TG: variants seen among roughly 807,000 people sequenced by gnomAD.
The protein encoded by TG is thyroglobulin.
A neutral mutation model predicts 324.7 loss-of-function variants in TG; 270 were observed. That is an observed-to-expected ratio of 0.83 (90% CI 0.75 to 0.92). The LOEUF (loss-of-function observed/expected upper bound fraction) is 0.92. TG is among the 40% of genes least tolerant of loss of function. The pLI, the probability that TG is intolerant of heterozygous loss-of-function variation, is 0.00. For missense variants in TG, 3,591 were observed against 3,456.4 expected, an observed-to-expected ratio of 1.04 and a Z score of -0.98; for synonymous variants, 1,401 against 1,327.0, an observed-to-expected ratio of 1.06 and a Z score of -1.21.
At position 132,871,552 on chromosome 8, in the gene TG, G is replaced by A. The variant is rs2132047259; in HGVS notation, c.478+1G>A. 1 of 1,613,346 alleles carries A rather than the reference G, an allele frequency of 6.2e-7. No homozygotes were observed. Among genetic ancestry groups the A allele is most frequent in the Middle Eastern group, 1.7e-4 (1 of 6,040 alleles). On this transcript the variant is annotated splice_donor_variant, in intron 4 of 47. Transcript: ENST00000220616. LOFTEE classifies it high-confidence loss of function. ...CGCCAGCTGGGGAGGCCAAAGCGAT[G>A]TGAGTTTCACTGAGCGCCTGCACCC... is the stretch of plus-strand genomic sequence containing the variant.
chr8:133,122,237 G>T (rs1264470577), intron 45 of TG, among the ~76,000 whole-genome samples: 1 of 152,152 alleles, frequency 6.6e-6, no homozygotes, highest in Non-Finnish European at 1.5e-5. Flanking sequence ...CTGAAATTGA[G>T]GGCAAACTTC....
chr8:133,047,643 C>T, intron 41 of TG: 1 of 608,014 alleles, frequency 1.6e-6, no homozygotes, highest in East Asian at 2.9e-5. Flanking sequence ...TCCCCACTGC[C>T]TGTCTCTAGT....
intron 35 of TG, among the ~76,000 whole-genome samples, chr8:132,998,266 T>C (rs1317591517): frequency 6.6e-6 from 1 of 151,900 alleles, no homozygotes; most frequent in African/African-American, 2.4e-5. Flanking sequence ...AGGCCAGAGG[T>C]CAGGCACTGG....
chr8:133,045,148 C>T (rs1839077887), intron 41 of TG: 1 of 1,611,754 alleles, frequency 6.2e-7, no homozygotes, highest in Non-Finnish European at 8.5e-7. Flanking sequence ...CAGTGGGCTC[C>T]ACCTGTCCTC....
intron 31 of TG, among the ~76,000 whole-genome samples, chr8:132,968,459 T>A (rs1343402346): frequency 6.6e-6 from 1 of 152,202 alleles, no homozygotes; most frequent in Admixed American, 6.5e-5. Flanking sequence ...TAGAAGGTGA[T>A]TTTCTCTCCC....
intron 10 of TG, among the ~76,000 whole-genome samples, chr8:132,891,228 T>C (rs1450288403): frequency 1.3e-5 from 2 of 151,956 alleles, no homozygotes; most frequent in South Asian, 2.1e-4. Context: ...GGAAATAGCA[T>C]GCACTGAGTC....
intron 44 of TG, among the ~76,000 whole-genome samples, chr8:133,115,594 A>C (rs889898220): frequency 6.6e-6 from 1 of 152,210 alleles, no homozygotes; most frequent in Non-Finnish European, 1.5e-5. Flanking sequence ...GGGTGTTATT[A>C]AACTTGGGCA....
chr8:133,015,867 T>C (rs758439185), intron 37 of TG, among the ~76,000 whole-genome samples: 1 of 152,214 alleles, frequency 6.6e-6, no homozygotes, highest in African/African-American at 2.4e-5. Context: ...CCATTTTGAG[T>C]TCTAACTCAT....
At chr8:132,924,962 C>T (rs1258891673) in intron 22 of TG, among the ~76,000 whole-genome samples, 1 of 152,220 alleles carries the variant, frequency 6.6e-6, no homozygotes, top group East Asian at 1.9e-4. Context: ...ATCTTTATGA[C>T]TCTGTTCCAC....
intron 26 of TG, among the ~76,000 whole-genome samples, chr8:132,946,014 G>A (rs1032759233): frequency 6.7e-6 from 1 of 149,798 alleles, no homozygotes; most frequent in Non-Finnish European, 1.5e-5. Flanking sequence ...ATTCCTGTTA[G>A]TGTTTAGATA....
chr8:132,870,001 G>A (rs1481775401), intron 3 of TG, among the ~76,000 whole-genome samples, 175 bp downstream of exon 3: 2 of 152,172 alleles, frequency 1.3e-5, no homozygotes, highest in African/African-American at 4.8e-5. Flanking sequence ...TTCCTGCAGG[G>A]CCACTGTGAA....
At position 132,913,242 on chromosome 8, in the gene TG, C is replaced by A. The variant is rs976398214; in HGVS notation, c.4355C>A (p.Ala1452Asp). The part of the protein sequence containing the change: ...EGFYQVLTSE[A>D]SQDGLGCVKC... ...TTCTACCAAGTCTTGACAAGTGAGGCCAGTCAGGACGGACTGGGATGCGGT... is the reference window on the plus strand; with the variant it reads ...TTCTACCAAGTCTTGACAAGTGAGGACAGTCAGGACGGACTGGGATGCGGT... The change falls in exon 20 of 48, where the codon GCC (alanine) becomes GAC (aspartate). Residue 1452 changes from alanine to aspartate, a missense_variant. Coordinates refer to ENST00000220616, the MANE Select transcript of TG (RefSeq NM_003235.5). The A allele has an allele frequency of 1.2e-6, 2 of 1,614,080 alleles. No individual in the cohort carries two copies. The highest frequency in any genetic ancestry group is 3.3e-5 in the Admixed American group (2 of 60,012).
intron 3 of TG, among the ~76,000 whole-genome samples, chr8:132,871,050 G>A (rs988711068): frequency 1.3e-5 from 2 of 152,104 alleles, no homozygotes; most frequent in Non-Finnish European, 2.9e-5. Context: ...GGAGAAAACT[G>A]GACTCAGAAA....
At chr8:133,030,739 C>A (rs1836561261) in intron 41 of TG, among the ~76,000 whole-genome samples, 1 of 152,184 alleles carries the variant, frequency 6.6e-6, no homozygotes, top group Non-Finnish European at 1.5e-5. Flanking sequence ...AAGGCCCCAG[C>A]CAAGCATAAG....
At chr8:132,940,161 A>G (rs1009681793) in intron 25 of TG, among the ~76,000 whole-genome samples, 2 of 152,086 alleles carry the variant, frequency 1.3e-5, no homozygotes, top group African/African-American at 4.8e-5. Flanking sequence ...CCTCTCTATG[A>G]CGTCCAGCTG....
intron 23 of TG, among the ~76,000 whole-genome samples, chr8:132,929,566 C>A (rs1267317578): frequency 6.6e-6 from 1 of 152,124 alleles, no homozygotes; most frequent in Non-Finnish European, 1.5e-5. Flanking sequence ...ATCTCACAAT[C>A]CCAAAGCCAC....
intron 22 of TG, among the ~76,000 whole-genome samples, 192 bp from the exon 23 acceptor site, chr8:132,928,884 T>C (rs755650335): frequency 6.6e-6 from 1 of 152,222 alleles, no homozygotes; most frequent in Admixed American, 6.5e-5. Context: ...AGCTGGTAAG[T>C]TGTAACTCTC....
chr8:132,908,109 T>C (rs1212190992), intron 17 of TG, 77 bp from the exon 18 acceptor site: 2 of 1,564,094 alleles, frequency 1.3e-6, no homozygotes, highest in African/African-American at 2.7e-5. Flanking sequence ...AGGGTTATTT[T>C]TGCAGAGGAA....
At chr8:133,002,487 T>C in intron 35 of TG, 1 of 902,248 alleles carries the variant, frequency 1.1e-6, no homozygotes, top group Non-Finnish European at 1.3e-6. Context: ...ACACAATAAA[T>C]TCAGACACAA....
Sources: gnomAD v4.1 joint callset for allele counts (sites outside exome capture counted in the v4.1 genomes callset) on GRCh38, gnomAD v4.1.1 for gene constraint, MANE v1.5 for transcripts, NCBI Gene and HGNC (gene_info 2026-07-23, HGNC 2026-07-21) for gene names.